MAP4K1: variants seen among roughly 807,000 people sequenced by gnomAD.
The protein encoded by MAP4K1 is mitogen-activated protein kinase kinase kinase kinase 1.
Under a neutral mutation model 122.8 loss-of-function variants are expected in MAP4K1, and 35 were observed. That is an observed-to-expected ratio of 0.29 (90% CI 0.22 to 0.38). The LOEUF (loss-of-function observed/expected upper bound fraction) is 0.38, where lower values mean the gene tolerates loss of function less well. MAP4K1 is among the 10% of genes least tolerant of loss of function. The probability of loss-of-function intolerance (pLI) is 1.00; values close to 1 mark genes in which losing one functional copy is unlikely to be tolerated. For missense variants in MAP4K1, 791 were observed against 1,072.6 expected, an observed-to-expected ratio of 0.74 and a Z score of 3.67; for synonymous variants, 412 against 421.3, an observed-to-expected ratio of 0.98 and a Z score of 0.27.
At chr19:38,600,174 G>A (rs200321327) in intron 20 of MAP4K1, 21 bp from the exon 21 acceptor site, 15 of 1,609,578 alleles carry the variant, frequency 9.3e-6, no homozygotes, top group Admixed American at 6.7e-5. Flanking sequence ...AGACAAGGAC[G>A]CTGGGACCGA....
In MAP4K1 at chr19:38,597,143, G is replaced by C; in HGVS notation, c.1838-6C>G. The C allele has an allele frequency of 6.2e-7, 1 of 1,613,948 alleles. No individual in the cohort carries two copies. Among genetic ancestry groups the C allele is most frequent in the South Asian group, 1.1e-5 (1 of 91,086 alleles). ...CCCAGAGCTCGCACCCTCCGCTGTG[G>C]CATGGGCAAGGATGAGTCAAGATCA... is the stretch of plus-strand genomic sequence containing the variant. On this transcript the variant is annotated splice_region_variant and splice_polypyrimidine_tract_variant and intron_variant, in intron 24 of 30. Transcript: ENST00000396857. The surrounding 1 kb of genome is among the most constrained non-coding windows in gnomAD (Gnocchi z 4.6).
At chr19:38,602,791 T>C (rs1975137006) in intron 19 of MAP4K1, among the ~76,000 whole-genome samples, 1 of 138,676 alleles carries the variant, frequency 7.2e-6, no homozygotes, top group South Asian at 2.5e-4. Flanking sequence ...TATACATATA[T>C]ACACACATAC....
intron 30 of MAP4K1, among the ~76,000 whole-genome samples, chr19:38,590,394 A>C (rs1006655937): frequency 5.8e-5 from 1 of 17,300 alleles, no homozygotes; most frequent in Non-Finnish European, 1.0e-4. Context: ...AAAAAAAAAA[A>C]ATATATATAT....
At chr19:38,610,614 G>C (rs1975469304) in intron 11 of MAP4K1, among the ~76,000 whole-genome samples, 1 of 152,054 alleles carries the variant, frequency 6.6e-6, no homozygotes, top group Non-Finnish European at 1.5e-5. Flanking sequence ...TCAAACTCCT[G>C]ACCTCAAGTG....
chr19:38,602,411 GACAC>G lies in MAP4K1; in HGVS notation c.1447-890_1447-887del, dbSNP rs145992581. ...ATATACACATATACATATATATATA[GACAC>G]ACACACACACACACACATATATATA... On this transcript the variant is annotated intron_variant, in intron 19 of 30. Coordinates refer to ENST00000396857, the MANE Select transcript of MAP4K1 (RefSeq NM_001042600.3). 2.8e-3 allele frequency among the ~76,000 whole-genome samples: 420 copies of G among 148,096 alleles called. 1 individual carries two copies. Among genetic ancestry groups the G allele is most frequent in the Admixed American group, 3.5e-3 (52 of 14,712 alleles).
intron 12 of MAP4K1, 57 bp from the exon 13 acceptor site, chr19:38,609,731 G>A: frequency 6.7e-7 from 1 of 1,502,224 alleles, no homozygotes; most frequent in East Asian, 2.3e-5. Flanking sequence ...CTCCTACCCT[G>A]CCCGGGGTCC....
chr19:38,596,562 C>A, intron 25 of MAP4K1, 76 bp from the exon 26 acceptor site: 1 of 1,228,916 alleles, frequency 8.1e-7, no homozygotes, highest in Non-Finnish European at 1.1e-6. Flanking sequence ...TTGTAGCTGG[C>A]CTGGGACTTC....
rs977616777 is a variant in MAP4K1 at position 38,597,226 on chromosome 19, A to G, written c.1838-89T>C. 2.5e-6 allele frequency: 4 copies of G among 1,598,910 alleles called. No individual in the cohort carries two copies. In the African/African-American group the frequency reaches 5.4e-5, roughly 21 times the overall value. ...CACCCATCTTCTGGGTTCTGGACACATTGCCTTAACTCTGTAACCTTCTCA... is the reference window on the plus strand; with the variant it reads ...CACCCATCTTCTGGGTTCTGGACACGTTGCCTTAACTCTGTAACCTTCTCA... On this transcript the variant is annotated intron_variant, in intron 24 of 30. Transcript: ENST00000396857. This position sits in a 1 kb window ranked among gnomAD's most constrained non-coding sequence, Gnocchi z 4.6.
At chr19:38,615,304 C>T (rs952278010) in intron 4 of MAP4K1, among the ~76,000 whole-genome samples, 6 of 151,650 alleles carry the variant, frequency 4.0e-5, no homozygotes, top group African/African-American at 1.5e-4. Context: ...GGAGTCTGGG[C>T]TTCTCCTCCG....
At chr19:38,607,222 A>T (rs1247408199) in intron 16 of MAP4K1, among the ~76,000 whole-genome samples, 1 of 151,884 alleles carries the variant, frequency 6.6e-6, no homozygotes, top group African/African-American at 2.4e-5. Flanking sequence ...GGTGGAGAGC[A>T]GGTGGGGGGC....
At position 38,607,857 on chromosome 19, in the gene MAP4K1, CACTT is replaced by C. The variant is rs1009134982; in HGVS notation, c.1157+3_1157+6del. ...GCCTGTGGAGCTGCAGGCAGGGCCT[CACTT>C]ACATGTCCACGTCGTCATAGTCATC... On this transcript the variant is annotated splice_donor_5th_base_variant and intron_variant, in intron 16 of 30. Coordinates refer to ENST00000396857, the MANE Select transcript of MAP4K1 (RefSeq NM_001042600.3). 6.2e-7 allele frequency: 1 copy of C among 1,610,552 alleles called. No homozygotes were observed. The highest frequency in any genetic ancestry group is 1.1e-5 in the South Asian group (1 of 90,370).
At chr19:38,608,496 G>T (rs1428408181) in intron 13 of MAP4K1, among the ~76,000 whole-genome samples, 1 of 151,920 alleles carries the variant, frequency 6.6e-6, no homozygotes, top group Non-Finnish European at 1.5e-5. Flanking sequence ...TACAAAAAAT[G>T]ATTAAAAATT....
intron 4 of MAP4K1, among the ~76,000 whole-genome samples, chr19:38,615,204 G>A (rs1315474405): frequency 1.3e-5 from 2 of 151,658 alleles, no homozygotes; most frequent in Admixed American, 6.6e-5. Flanking sequence ...TGGTGGGTCT[G>A]GAAAGCAGCA....
rs1975629064 is a variant in MAP4K1 at position 38,615,752 on chromosome 19, G to A, written c.313+443C>T. Among the ~76,000 whole-genome samples the A allele has an allele frequency of 3.3e-5, 5 of 152,246 alleles. No individual in the cohort carries two copies. The South Asian group carries it at 1.0e-3, about 32-fold the overall frequency. On this transcript the variant is annotated intron_variant, in intron 4 of 30. Transcript: ENST00000396857. Reference sequence around the variant, plus strand: ...GGAATCAGAGGTTTTCCGCCTCCCAGAATCAAACGATTCTCCTGCCTCAGC... The same window carrying A: ...GGAATCAGAGGTTTTCCGCCTCCCAAAATCAAACGATTCTCCTGCCTCAGC...
chr19:38,593,442 C>T (rs1241159780), intron 29 of MAP4K1, 105 bp from the exon 30 acceptor site: 4 of 1,001,412 alleles, frequency 4.0e-6, no homozygotes, highest in African/African-American at 3.3e-5. Flanking sequence ...GTGGCTCACG[C>T]CTGTAATCCC....
Position 38,614,286 on chromosome 19 carries a change from C to A in MAP4K1, c.376G>T (p.Ala126Ser). 6.2e-7 allele frequency: 1 copy of A among 1,614,134 alleles called. No homozygotes were observed. Among genetic ancestry groups the A allele is most frequent in the Non-Finnish European group, 8.5e-7 (1 of 1,180,012 alleles). ...ATCTTCTTCTGTGAGTGCAAATAGG[C>A]CAGTCCCTGGGGAGAAGGGTGGACA... ...YVCREVLQGL[A>S]YLHSQKKIHR... is the part of the protein sequence containing the mutation. The change falls in exon 6 of 31, where the codon GCC becomes TCC. Residue 126 changes from alanine (A) to serine (S), a missense_variant. Ala to Ser is a moderately conservative substitution (Grantham distance 99, BLOSUM62 1). Coordinates refer to ENST00000396857, the MANE Select transcript of MAP4K1 (RefSeq NM_001042600.3).
rs139064323 is a variant in MAP4K1 at position 38,588,950 on chromosome 19, G to A, written c.2397-1133C>T. ...AAATAAATAAATAATGACAGTAATA[G>A]ACTATAACCCACAGAATAAAAATCC... On this transcript the variant is annotated intron_variant, in intron 30 of 30. Transcript: ENST00000396857. Among the ~76,000 whole-genome samples the A allele has an allele frequency of 1.5e-4, 22 of 151,270 alleles. No individual in the cohort carries two copies. In the East Asian group the frequency reaches 3.9e-3, roughly 27 times the overall value.
chr19:38,596,229 T>G, intron 26 of MAP4K1, 83 bp downstream of exon 26: 1 of 1,463,676 alleles, frequency 6.8e-7, no homozygotes, highest in Non-Finnish European at 9.1e-7. Context: ...CCGTAGTGCC[T>G]CAGGCTAAGC....
At chr19:38,616,411 G>C (rs1342349091) in intron 3 of MAP4K1, 152 bp from the exon 4 acceptor site, 1 of 563,876 alleles carries the variant, frequency 1.8e-6, no homozygotes, top group Non-Finnish European at 3.1e-6. Context: ...ACCAGAGTGA[G>C]GTTGTTTCAT....
Sources: gnomAD v4.1 joint callset for allele counts (sites outside exome capture counted in the v4.1 genomes callset) on GRCh38, gnomAD v4.1.1 for gene constraint, Gnocchi (gnomAD v3.1) non-coding constraint, MANE v1.5 for transcripts, NCBI Gene and HGNC (gene_info 2026-07-23, HGNC 2026-07-21) for gene names.